The following RAB18 variants were observed in gnomAD, a reference collection of about 807,000 sequenced individuals.
The protein encoded by RAB18 is ras-related protein Rab-18.
Under a neutral mutation model 28.5 loss-of-function variants are expected in RAB18, and 10 were observed. That is an observed-to-expected ratio of 0.35 (90% CI 0.22 to 0.60). The LOEUF (loss-of-function observed/expected upper bound fraction) is 0.60, where lower values mean the gene tolerates loss of function less well. Among genes scored for constraint, RAB18 ranks in the 20% least tolerant of loss-of-function variants. The probability of loss-of-function intolerance (pLI) is 0.78; values close to 1 mark genes in which losing one functional copy is unlikely to be tolerated. For synonymous variants in RAB18, 93 were observed against 86.9 expected, an observed-to-expected ratio of 1.07 and a Z score of -0.39; for missense variants, 188 against 244.2, an observed-to-expected ratio of 0.77 and a Z score of 1.53.
intron 2 of RAB18, among the ~76,000 whole-genome samples, chr10:27,517,182 G>A (rs556490376): frequency 3.9e-5 from 6 of 152,138 alleles, no homozygotes; most frequent in Non-Finnish European, 7.4e-5. Context: ...GTCCAACATG[G>A]TGAAACCCTG....
intron 3 of RAB18, 35 bp downstream of exon 3, chr10:27,526,924 AACTTT>A (rs780494574): frequency 3.8e-5 from 61 of 1,587,570 alleles, no homozygotes; most frequent in Admixed American, 8.3e-5. Flanking sequence ...TAAAATATTA[AACTTT>A]ACTTTTTAAG....
rs553923071 is a variant in RAB18 at position 27,527,449 on chromosome 10, G to A, written c.186+560G>A. Among the ~76,000 whole-genome samples the A allele has an allele frequency of 9.9e-5, 15 of 152,066 alleles. No individual in the cohort carries two copies. In the East Asian group the frequency reaches 2.5e-3, roughly 25 times the overall value. On this transcript the variant is annotated intron_variant, in intron 3 of 6. Coordinates refer to ENST00000356940, the MANE Select transcript of RAB18 (RefSeq NM_021252.5). ...GCTCATGCTAGTGTCAAATAAGGTA[G>A]CATTAACTGTCAAAAATATCCAAGA...
At chr10:27,531,694 C>G (rs369280124) in intron 3 of RAB18, 1 of 693,952 alleles carries the variant, frequency 1.4e-6, no homozygotes, top group Non-Finnish European at 2.7e-6. Context: ...TTTGTATAAT[C>G]TTAGGTACCT....
Position 27,509,758 on chromosome 10 carries a change from C to A in RAB18, c.69-117C>A, listed in dbSNP as rs1364514792. On this transcript the variant is annotated intron_variant, in intron 1 of 6. Coordinates refer to ENST00000356940, the MANE Select transcript of RAB18 (RefSeq NM_021252.5). ...CTGAGGCAGTATTCCTAGGAACAGG[C>A]CTACATCAGTTATTTTTATCTGCAT... The A allele has an allele frequency of 4.9e-6, 4 of 811,784 alleles. No individual in the cohort carries two copies. The African/African-American group carries it at 6.7e-5, about 14-fold the overall frequency. 50.3% of individuals were successfully genotyped at this position (811,784 alleles called of 1,614,324 possible). A position where few individuals can be genotyped will look rare whatever the true frequency, so the allele number is the denominator to read the frequency against.
At chr10:27,511,429 C>T (rs182864145) in intron 2 of RAB18, among the ~76,000 whole-genome samples, 5 of 152,198 alleles carry the variant, frequency 3.3e-5, no homozygotes, top group Non-Finnish European at 5.9e-5. Context: ...TGGTCTTGAG[C>T]TCCTGACCTC....
In RAB18 at chr10:27,539,849, A is replaced by G; in HGVS notation, c.*1798A>G. On this transcript the variant is annotated 3_prime_UTR_variant, in exon 7 of 7. Coordinates refer to ENST00000356940, the MANE Select transcript of RAB18 (RefSeq NM_021252.5). ...CCCTAGATGCATTTGTGTAGGAAGT[A>G]TATACATTTCCCTATTACTCTCATC... 4.4e-6 allele frequency: 2 copies of G among 453,956 alleles called. No individual in the cohort carries two copies. Among genetic ancestry groups the G allele is most frequent in the South Asian group, 3.1e-5 (2 of 64,440 alleles). The allele number at this position is 453,956 out of a possible 1,614,324, so 28.1% of individuals were successfully genotyped here.
At chr10:27,522,146 A>AAAAT (rs371856110) in intron 2 of RAB18, among the ~76,000 whole-genome samples, 99 of 152,262 alleles carry the variant, frequency 6.5e-4, no homozygotes, top group Non-Finnish European at 9.1e-4. Flanking sequence ...TGTGTTTAGG[A>AAAAT]AAATAAATAA....
chr10:27,511,283 A>G (rs1451810526), intron 2 of RAB18, among the ~76,000 whole-genome samples: 2 of 152,000 alleles, frequency 1.3e-5, no homozygotes, highest in African/African-American at 2.4e-5. Context: ...GCTCAGTGCA[A>G]CCTCCACTTT....
chr10:27,510,983 T>TA (rs1053184742), intron 2 of RAB18, among the ~76,000 whole-genome samples: 31 of 152,258 alleles, frequency 2.0e-4, no homozygotes, highest in African/African-American at 7.2e-4. Flanking sequence ...TATTCTTTTT[T>TA]AAAAAAATGA....
Position 27,542,058 on chromosome 10 carries a change from A to G in RAB18, c.*4007A>G, listed in dbSNP as rs953809665. 3 of 453,998 alleles carry G rather than the reference A, an allele frequency of 6.6e-6. No homozygotes were observed. Among genetic ancestry groups the G allele is most frequent in the Non-Finnish European group, 1.3e-5 (3 of 226,802 alleles). The allele number at this position is 453,998 out of a possible 1,614,324, so 28.1% of individuals were successfully genotyped here. A position where few individuals can be genotyped will look rare whatever the true frequency, so the allele number is the denominator to read the frequency against. On this transcript the variant is annotated 3_prime_UTR_variant, in exon 7 of 7. Coordinates refer to ENST00000356940, the MANE Select transcript of RAB18 (RefSeq NM_021252.5). ...TGGAGATAGTGTGCTGGGAGGAGTCACATTCTGAACTTGCTGCAGCTCGTT... is the reference window on the plus strand; with the variant it reads ...TGGAGATAGTGTGCTGGGAGGAGTCGCATTCTGAACTTGCTGCAGCTCGTT...
At position 27,529,815 on chromosome 10, in the gene RAB18, A is replaced by G. The variant is rs962118562; in HGVS notation, c.187-2692A>G. On this transcript the variant is annotated intron_variant, in intron 3 of 6. Coordinates refer to ENST00000356940, the MANE Select transcript of RAB18 (RefSeq NM_021252.5). Reference sequence around the variant, plus strand: ...TATAGTTACTATAAATCCTGATGCGATGCTATTGCACATGGTTCCCTCCAC... The same window carrying G: ...TATAGTTACTATAAATCCTGATGCGGTGCTATTGCACATGGTTCCCTCCAC... Among the ~76,000 whole-genome samples the G allele has an allele frequency of 1.2e-4, 18 of 151,984 alleles. 1 individual carries two copies. The highest frequency in any genetic ancestry group is 3.9e-4 in the African/African-American group (16 of 41,440).
chr10:27,534,091 G>A, intron 6 of RAB18, 97 bp downstream of exon 6: 1 of 1,196,184 alleles, frequency 8.4e-7, no homozygotes, highest in Non-Finnish European at 1.2e-6. Flanking sequence ...CATAAAATGT[G>A]TTTAGAGTAT....
At chr10:27,517,349 C>G (rs1834456791) in intron 2 of RAB18, among the ~76,000 whole-genome samples, 1 of 151,452 alleles carries the variant, frequency 6.6e-6, no homozygotes, top group Non-Finnish European at 1.5e-5. Context: ...GGCGACAGAG[C>G]AAGACTCTGT....
At chr10:27,511,733 A>G (rs542434611) in intron 2 of RAB18, among the ~76,000 whole-genome samples, 94 of 152,308 alleles carry the variant, frequency 6.2e-4, no homozygotes, top group East Asian at 1.9e-4. Flanking sequence ...CATAACTAAT[A>G]TATTTCTTGT....
chr10:27,540,694 TA>T lies in RAB18; in HGVS notation c.*2644del. On this transcript the variant is annotated 3_prime_UTR_variant, in exon 7 of 7. Transcript: ENST00000356940. ...GGTACCTTCACTTTTTATGTGAGAA[TA>T]GAAATTATGGAAACAGTAATTTGCT... 1 of 454,072 alleles carries T rather than the reference TA, an allele frequency of 2.2e-6. No individual in the cohort carries two copies. The highest frequency in any genetic ancestry group is 4.4e-6 in the Non-Finnish European group (1 of 226,768). The allele number at this position is 454,072 out of a possible 1,614,324, so 28.1% of individuals were successfully genotyped here.
At chr10:27,535,696 T>A (rs189118074) in intron 6 of RAB18, among the ~76,000 whole-genome samples, 2 of 152,280 alleles carry the variant, frequency 1.3e-5, no homozygotes, top group Non-Finnish European at 2.9e-5. Flanking sequence ...TTTGACTGTG[T>A]AGCCGTAGAG....
At position 27,540,416 on chromosome 10, in the gene RAB18, GTAGT is replaced by G. The variant is rs1205925073; in HGVS notation, c.*2372_*2375del. ...TTCACCATCGCTCATTTTACAATGGGTAGTTAGTTACCAGCTTTTTGTAACACAA... is the reference window on the plus strand; with the variant it reads ...TTCACCATCGCTCATTTTACAATGGGTAGTTACCAGCTTTTTGTAACACAA... On this transcript the variant is annotated 3_prime_UTR_variant, in exon 7 of 7. Coordinates refer to ENST00000356940, the MANE Select transcript of RAB18 (RefSeq NM_021252.5). 7 of 454,044 alleles carry G rather than the reference GTAGT, an allele frequency of 1.5e-5. No individual in the cohort carries two copies. The highest frequency in any genetic ancestry group is 7.0e-5 in the East Asian group (1 of 14,382). 28.1% of individuals were successfully genotyped at this position (454,044 alleles called of 1,614,324 possible).
intron 3 of RAB18, 141 bp from the exon 4 acceptor site, chr10:27,532,366 A>G: frequency 1.7e-6 from 1 of 599,188 alleles, no homozygotes; most frequent in South Asian, 2.2e-5. Context: ...AAGCGAACAC[A>G]TCTTATTTAA....
chr10:27,528,721 T>G (rs1398025618), intron 3 of RAB18, among the ~76,000 whole-genome samples: 1 of 152,080 alleles, frequency 6.6e-6, no homozygotes, highest in African/African-American at 2.4e-5. Flanking sequence ...TATACGTCTG[T>G]GTGTACTTGT....
Sources: gnomAD v4.1 joint callset for allele counts (sites outside exome capture counted in the v4.1 genomes callset) on GRCh38, gnomAD v4.1.1 for gene constraint, MANE v1.5 for transcripts, NCBI Gene and HGNC (gene_info 2026-07-23, HGNC 2026-07-21) for gene names.